LRRC27: variants seen among roughly 807,000 people sequenced by gnomAD.
LRRC27 encodes leucine rich repeat containing 27, also known as leucine-rich repeat-containing protein 27.
A neutral mutation model predicts 55.0 loss-of-function variants in LRRC27; 57 were observed. That is an observed-to-expected ratio of 1.04 (90% confidence interval 0.84 to 1.29). The LOEUF (loss-of-function observed/expected upper bound fraction) is 1.29. LRRC27 is among the 50% of genes most tolerant of loss of function. The pLI is 0.00. For synonymous variants in LRRC27, 278 were observed against 251.9 expected (o/e 1.10, Z -0.98); for missense variants, 721 against 651.5 (o/e 1.11, Z -1.16).
intron 2 of LRRC27, chr10:132,335,015 C>G (rs1421641775): frequency 6.6e-6 from 1 of 152,212 alleles, no homozygotes; most frequent in Non-Finnish European, 1.5e-5. Flanking sequence ...TTCCAGAGAT[C>G]CCCCATCCTC....
intron 10 of LRRC27, among the ~76,000 whole-genome samples, chr10:132,371,065 A>G (rs758235969): frequency 1.3e-5 from 2 of 152,258 alleles, no homozygotes; most frequent in African/African-American, 4.8e-5. Context: ...GGCATGTCCC[A>G]GGCAGAGAAC....
chr10:132,331,133 G>C (rs1475703246), upstream of LRRC27, among the ~76,000 whole-genome samples: 1 of 148,816 alleles, frequency 6.7e-6, no homozygotes, highest in Non-Finnish European at 1.5e-5. Flanking sequence ...CCTGGGAGGC[G>C]GAGGTCGCAG....
intron 9 of LRRC27, among the ~76,000 whole-genome samples, chr10:132,364,420 T>G (rs61864516): frequency 7.5e-5 from 5 of 66,588 alleles, no homozygotes; most frequent in African/African-American, 4.0e-4. Context: ...CACCCGCGCT[T>G]ACACCCACGC....
intron 5 of LRRC27, among the ~76,000 whole-genome samples, chr10:132,347,574 C>T (rs1296136674): frequency 4.0e-5 from 6 of 150,938 alleles, no homozygotes; most frequent in South Asian, 2.1e-4. Context: ...CAGGTGTGCT[C>T]GGTGGGGCCT....
chr10:132,340,272 G>A (rs747937345), intron 3 of LRRC27, among the ~76,000 whole-genome samples: 4 of 152,192 alleles, frequency 2.6e-5, no homozygotes, highest in Non-Finnish European at 5.9e-5. Flanking sequence ...CGTTTAAAGT[G>A]TGCTCAGAAT....
In LRRC27 at chr10:132,348,436, A is replaced by C; in HGVS notation, c.926+80A>C. 1 of 1,534,084 alleles carries C rather than the reference A, an allele frequency of 6.5e-7. No homozygotes were observed. The highest frequency in any genetic ancestry group is 8.8e-7 in the Non-Finnish European group (1 of 1,138,616). On this transcript the variant is annotated intron_variant, in intron 6 of 10. Transcript: ENST00000368614. The surrounding 1 kb of genome is among the most constrained non-coding windows in gnomAD (Gnocchi z 4.2). ...ATTTTAAATTATCTTTGAAAACATC[A>C]GGTCCAGCTTTTAAAGTGTCCTCCA...
At chr10:132,349,073 G>T in intron 6 of LRRC27, 5 of 1,540,942 alleles carry the variant, frequency 3.2e-6, no homozygotes, top group South Asian at 2.3e-5. Context: ...TATCTGTGGT[G>T]TGCGTGTGTG....
chr10:132,330,170 G>C (rs2066618201), upstream of LRRC27: 1 of 426,924 alleles, frequency 2.3e-6, no homozygotes, highest in South Asian at 2.5e-5. Context: ...ACTGAGCACA[G>C]TAAAGGGCAA....
At chr10:132,346,098 G>A (rs1364416774) in intron 5 of LRRC27, among the ~76,000 whole-genome samples, 1 of 152,190 alleles carries the variant, frequency 6.6e-6, no homozygotes, top group Non-Finnish European at 1.5e-5. Context: ...ACCCTTGAGT[G>A]TTTTAGGAAA....
At chr10:132,349,566 AC>A (rs1194472738) in intron 6 of LRRC27, among the ~76,000 whole-genome samples, 1 of 150,404 alleles carries the variant, frequency 6.6e-6, no homozygotes, top group Non-Finnish European at 1.5e-5. Context: ...CTGCTTAGAA[AC>A]CTCTTTTCTT....
Position 132,348,909 on chromosome 10 carries a change from G to T in LRRC27, c.926+553G>T. On this transcript the variant is annotated intron_variant, in intron 6 of 10. Transcript: ENST00000368614. This position sits in a 1 kb window ranked among gnomAD's most constrained non-coding sequence, Gnocchi z 4.2. Reference sequence around the variant, plus strand: ...TGGCCCACTTCCAAAGCTTGCCTTTGCCTTTGGTACAGTGAGTTTGGGGGC... The same window carrying T: ...TGGCCCACTTCCAAAGCTTGCCTTTTCCTTTGGTACAGTGAGTTTGGGGGC... The T allele has an allele frequency of 7.5e-7, 1 of 1,341,058 alleles. No homozygotes were observed. The highest frequency in any genetic ancestry group is 1.0e-6 in the Non-Finnish European group (1 of 957,038). The allele number at this position is 1,341,058 out of a possible 1,614,324, so 83.1% of individuals were successfully genotyped here. A position where few individuals can be genotyped will look rare whatever the true frequency, so the allele number is the denominator to read the frequency against.
At chr10:132,363,213 C>T (rs1268780788) in intron 9 of LRRC27, among the ~76,000 whole-genome samples, 1 of 136,652 alleles carries the variant, frequency 7.3e-6, no homozygotes. Flanking sequence ...GGGGTTCACC[C>T]CTCTTACCTC....
In LRRC27 at chr10:132,361,164, C is replaced by G. The variant is rs577602845; in HGVS notation, c.1171-293C>G. ...CTGGCGTGGGGGGCATAAGGGCATG[C>G]AGGGCAGCCTTCCGAGCTACCCCAG... On this transcript the variant is annotated intron_variant, in intron 8 of 10. Transcript: ENST00000368614. 2.6e-4 allele frequency among the ~76,000 whole-genome samples: 40 copies of G among 152,306 alleles called. No individual in the cohort carries two copies. The South Asian group carries it at 7.2e-3, about 28-fold the overall frequency.
intron 9 of LRRC27, among the ~76,000 whole-genome samples, chr10:132,361,954 A>C (rs2068641254): frequency 6.6e-6 from 1 of 150,966 alleles, no homozygotes; most frequent in Admixed American, 6.6e-5. Flanking sequence ...CTGCCTCCCC[A>C]GGTCTTCTCA....
intron 6 of LRRC27, chr10:132,349,058 G>T: frequency 6.2e-7 from 1 of 1,600,244 alleles, no homozygotes; most frequent in Non-Finnish European, 8.5e-7. Flanking sequence ...CATATGGGAG[G>T]TATGTATCTG....
chr10:132,358,118 G>A (rs1176121104), intron 8 of LRRC27, among the ~76,000 whole-genome samples: 1 of 152,252 alleles, frequency 6.6e-6, no homozygotes, highest in Non-Finnish European at 1.5e-5. Context: ...ACAAAGAATG[G>A]CTACTAATTG....
chr10:132,355,959 G>A (rs2068291384), intron 8 of LRRC27, 73 bp downstream of exon 8: 4 of 1,041,338 alleles, frequency 3.8e-6, no homozygotes, highest in Non-Finnish European at 5.7e-6. Flanking sequence ...AGGCATCCCT[G>A]TCCATGGAGG....
chr10:132,364,475 A>AT (rs1411257679), intron 9 of LRRC27, among the ~76,000 whole-genome samples: 15 of 119,482 alleles, frequency 1.3e-4, no homozygotes, highest in Admixed American at 1.9e-4. Flanking sequence ...CCACACTTAC[A>AT]CCCACCCACA....
At chr10:132,369,847 C>T (rs1378370950) in intron 10 of LRRC27, among the ~76,000 whole-genome samples, 7 of 152,134 alleles carry the variant, frequency 4.6e-5, no homozygotes, top group Admixed American at 4.6e-4. Flanking sequence ...TCTTGTGTCC[C>T]CCACTGTTCT....
Sources: gnomAD v4.1 joint callset for allele counts (sites outside exome capture counted in the v4.1 genomes callset) on GRCh38, gnomAD v4.1.1 for gene constraint, Gnocchi (gnomAD v3.1) non-coding constraint, MANE v1.5 for transcripts, NCBI Gene and HGNC (gene_info 2026-07-23, HGNC 2026-07-21) for gene names.